Variants in GREB1L observed in about 807,000 individuals in gnomAD.
The protein encoded by GREB1L is GREB1-like protein.
In GREB1L, 17 loss-of-function variants were observed where a neutral mutation model predicts 200.8. The observed-to-expected ratio is 0.08, with a 90% CI of 0.06 to 0.13. The LOEUF is 0.13. Ranked by LOEUF, GREB1L falls within the 10% of genes least tolerant of loss-of-function variation. The probability of loss-of-function intolerance (pLI) is 1.00; values close to 1 mark genes in which losing one functional copy is unlikely to be tolerated. For synonymous variants in GREB1L, 789 were observed against 893.0 expected, an observed-to-expected ratio of 0.88 and a Z score of 2.08; for missense variants, 1,657 against 2,367.7, an observed-to-expected ratio of 0.70 and a Z score of 6.23.
intron 4 of GREB1L, among the ~76,000 whole-genome samples, chr18:21,394,965 G>A (rs1010462811): frequency 3.3e-5 from 5 of 149,994 alleles, no homozygotes; most frequent in Admixed American, 6.7e-5. Flanking sequence ...TTAGCCGGGT[G>A]TGGTGGCGCA....
chr18:21,394,859 G>C (rs1357224508), intron 4 of GREB1L, among the ~76,000 whole-genome samples: 3 of 150,806 alleles, frequency 2.0e-5, no homozygotes, highest in Non-Finnish European at 4.4e-5. Flanking sequence ...ACTTTGTGAG[G>C]CCAAGGTGGG....
At chr18:21,455,671 T>C (rs1272948900) in intron 15 of GREB1L, among the ~76,000 whole-genome samples, 1 of 147,918 alleles carries the variant, frequency 6.8e-6, no homozygotes. Context: ...AGTGAGACCC[T>C]CTCCCAAAAA....
rs531346552 is a variant in GREB1L, at chr18:21,303,585, G to A, written c.-120+61192G>A. The stretch of plus-strand genomic sequence containing the variant: ...GTGTGATGTTAGTTTTACCCTGTAG[G>A]CTGTTACTTTGCTTCTTTGCACTTC... On this transcript the variant is annotated intron_variant, in intron 1 of 32. Transcript: ENST00000424526. Among the ~76,000 whole-genome samples, 354 of 152,238 alleles carry A rather than the reference G, an allele frequency of 2.3e-3. 1 individual carries two copies. Among genetic ancestry groups the A allele is most frequent in the Non-Finnish European group, 4.5e-3 (303 of 68,026 alleles).
chr18:21,518,770 CTTCT>C (rs1168872101), intron 31 of GREB1L, among the ~76,000 whole-genome samples: 2 of 152,304 alleles, frequency 1.3e-5, no homozygotes, highest in African/African-American at 2.4e-5. Flanking sequence ...ACCCCTTGGA[CTTCT>C]TTCTAAAATT....
chr18:21,461,055 TC>T (rs2035024281), intron 15 of GREB1L, among the ~76,000 whole-genome samples: 1 of 146,824 alleles, frequency 6.8e-6, no homozygotes, highest in South Asian at 2.2e-4. Flanking sequence ...CGAGATCGCA[TC>T]ACTGCACTCC....
chr18:21,434,144 A>G (rs921207728), intron 7 of GREB1L, among the ~76,000 whole-genome samples: 1 of 152,188 alleles, frequency 6.6e-6, no homozygotes, highest in Non-Finnish European at 1.5e-5. Flanking sequence ...TTAAAATAAT[A>G]AACTCATCTA....
chr18:21,258,295 T>G (rs1375192465), intron 1 of GREB1L, among the ~76,000 whole-genome samples: 1 of 152,164 alleles, frequency 6.6e-6, no homozygotes, highest in African/African-American at 2.4e-5. Flanking sequence ...TGGCAAGGAA[T>G]GGTGCCAGTG....
At chr18:21,293,521 A>T (rs2038482042) in intron 1 of GREB1L, among the ~76,000 whole-genome samples, 1 of 152,238 alleles carries the variant, frequency 6.6e-6, no homozygotes, top group African/African-American at 2.4e-5. Flanking sequence ...CAACTAATTA[A>T]TTAAGCACCA....
At chr18:21,390,359 G>A (rs1205246145) in intron 4 of GREB1L, among the ~76,000 whole-genome samples, 1 of 151,974 alleles carries the variant, frequency 6.6e-6, no homozygotes, top group Non-Finnish European at 1.5e-5. Context: ...CCAGAAGATG[G>A]CATTATTATC....
intron 4 of GREB1L, among the ~76,000 whole-genome samples, chr18:21,390,417 T>C (rs1295659914): frequency 6.6e-6 from 1 of 152,150 alleles, no homozygotes. Flanking sequence ...GACCTTCCAG[T>C]AGGACAAGAT....
intron 1 of GREB1L, among the ~76,000 whole-genome samples, chr18:21,331,669 A>G (rs2039108633): frequency 6.6e-6 from 1 of 152,228 alleles, no homozygotes; most frequent in African/African-American, 2.4e-5. Context: ...CAGAAACCTT[A>G]ATACCTGAGT....
chr18:21,333,401 A>G (rs1479477485), intron 1 of GREB1L, among the ~76,000 whole-genome samples: 2 of 152,104 alleles, frequency 1.3e-5, no homozygotes, highest in Non-Finnish European at 2.9e-5. Flanking sequence ...AAGGCCGGGC[A>G]TGGTGGCTCA....
intron 1 of GREB1L, among the ~76,000 whole-genome samples, chr18:21,347,193 GCT>G (rs2039359277): frequency 1.3e-5 from 2 of 151,572 alleles, no homozygotes; most frequent in Non-Finnish European, 2.9e-5. Flanking sequence ...CAGGAGAATT[GCT>G]TGAACCCAGG....
intron 2 of GREB1L, among the ~76,000 whole-genome samples, chr18:21,372,795 C>T (rs151018610): frequency 2.0e-5 from 3 of 152,196 alleles, no homozygotes; most frequent in Non-Finnish European, 4.4e-5. Context: ...ATGGCGGGCG[C>T]CTGTAATCCC....
chr18:21,414,835 C>G (rs2031464883), intron 7 of GREB1L, among the ~76,000 whole-genome samples: 1 of 152,052 alleles, frequency 6.6e-6, no homozygotes, highest in Non-Finnish European at 1.5e-5. Context: ...TTACCCTCCC[C>G]CTGGAACAAC....
chr18:21,379,679 G>T (rs552749965), intron 2 of GREB1L, among the ~76,000 whole-genome samples: 4 of 152,252 alleles, frequency 2.6e-5, no homozygotes, highest in African/African-American at 9.6e-5. Context: ...CTAGTTCCTG[G>T]TCCTTTTCTC....
intron 1 of GREB1L, among the ~76,000 whole-genome samples, chr18:21,295,819 A>G (rs1489934559): frequency 1.3e-5 from 2 of 152,210 alleles, no homozygotes; most frequent in Non-Finnish European, 2.9e-5. Flanking sequence ...GGGTAGAGGG[A>G]AAGAGTAGAA....
intron 1 of GREB1L, among the ~76,000 whole-genome samples, chr18:21,328,209 T>A (rs1598662222): frequency 6.6e-6 from 1 of 151,902 alleles, no homozygotes; most frequent in East Asian, 1.9e-4. Context: ...GTTTAAGCAC[T>A]GTGTGTGCTC....
At chr18:21,344,000 C>T (rs2039306860) in intron 1 of GREB1L, among the ~76,000 whole-genome samples, 1 of 152,086 alleles carries the variant, frequency 6.6e-6, no homozygotes, top group Non-Finnish European at 1.5e-5. Context: ...GTCTTGAACT[C>T]CTGACCTCAA....
Sources: allele counts gnomAD v4.1 joint callset (sites outside exome capture counted in the v4.1 genomes callset), GRCh38; gene constraint gnomAD v4.1.1; transcripts MANE v1.5; gene names NCBI Gene and HGNC (gene_info 2026-07-23, HGNC 2026-07-21).